SH3GL3: variants seen among roughly 807,000 people sequenced by gnomAD.
SH3GL3 encodes endophilin-A3.
In SH3GL3, 33 loss-of-function variants were observed where a neutral mutation model predicts 47.7. The ratio of observed to expected loss-of-function variants is 0.69; its 90% CI spans 0.52 to 0.92. The LOEUF (loss-of-function observed/expected upper bound fraction) is 0.92, where lower values mean the gene tolerates loss of function less well. Ranked by LOEUF, SH3GL3 falls within the 40% of genes least tolerant of loss-of-function variation. The probability of loss-of-function intolerance (pLI) is 0.00; values close to 1 mark genes in which losing one functional copy is unlikely to be tolerated. For missense variants in SH3GL3, 363 were observed against 417.8 expected (o/e 0.87, Z 1.14); for synonymous variants, 155 against 148.8 (o/e 1.04, Z -0.30).
chr15:83,534,397 TCTCTCTCCCTCTCTCC>T (rs574413235), intron 1 of SH3GL3, among the ~76,000 whole-genome samples: 2 of 152,182 alleles, frequency 1.3e-5, no homozygotes, highest in Non-Finnish European at 2.9e-5. Flanking sequence ...TGTCTTCCCC[TCTCTCTCCCTCTCTCC>T]CTCTCTCCCT....
At chr15:83,552,737 TAATC>T (rs911574443) in intron 1 of SH3GL3, among the ~76,000 whole-genome samples, 1 of 152,238 alleles carries the variant, frequency 6.6e-6, no homozygotes, top group Non-Finnish European at 1.5e-5. Flanking sequence ...GTCATTCAGA[TAATC>T]AATATCTTTT....
chr15:83,494,697 C>T (rs1461645939), intron 1 of SH3GL3, among the ~76,000 whole-genome samples: 2 of 151,948 alleles, frequency 1.3e-5, no homozygotes, highest in Non-Finnish European at 2.9e-5. Context: ...TGTGTGCCAC[C>T]GTGTCCAGCT....
rs34332284 is a variant in SH3GL3 at position 83,487,203 on chromosome 15, GTT to G, written c.45+39640_45+39641del. On this transcript the variant is annotated intron_variant, in intron 1 of 8. Coordinates refer to ENST00000427482, the MANE Select transcript of SH3GL3 (RefSeq NM_003027.5). ...TGAAGAATTTTTAACCGGTTTACCT[GTT>G]TTTTTTTTTTTTTTATCTTTCTTGT... Among the ~76,000 whole-genome samples the G allele has an allele frequency of 3.2e-3, 400 of 126,726 alleles. 1 individual carries two copies. Among genetic ancestry groups the G allele is most frequent in the Middle Eastern group, 0.028 (7 of 250 alleles). 83.1% of individuals were successfully genotyped at this position (126,726 alleles called of 152,430 possible). A position where few individuals can be genotyped will look rare whatever the true frequency, so the allele number is the denominator to read the frequency against.
the SH3GL3 span, among the ~76,000 whole-genome samples, chr15:83,631,518 G>A: frequency 8.3e-4 from 126 of 152,322 alleles, no homozygotes; most frequent in Admixed American, 1.2e-3. Context: ...TCTAGGTGGA[G>A]GCTCCCAAAC....
At chr15:83,561,425 C>T (rs2045265268) in intron 2 of SH3GL3, among the ~76,000 whole-genome samples, 1 of 152,048 alleles carries the variant, frequency 6.6e-6, no homozygotes, top group South Asian at 2.1e-4. Flanking sequence ...ATGTCAAAAC[C>T]TGTGATATGT....
intron 1 of SH3GL3, among the ~76,000 whole-genome samples, chr15:83,530,151 G>A (rs2043602839): frequency 6.6e-6 from 1 of 152,196 alleles, no homozygotes; most frequent in Non-Finnish European, 1.5e-5. Flanking sequence ...CCTGGTTGAG[G>A]TTAGGCACTC....
chr15:83,548,763 C>G (rs1423775869), intron 1 of SH3GL3, among the ~76,000 whole-genome samples: 2 of 152,048 alleles, frequency 1.3e-5, no homozygotes, highest in Admixed American at 1.3e-4. Flanking sequence ...GTATGTTTAT[C>G]TTCATATTTA....
chr15:83,470,374 G>A (rs568182865), intron 1 of SH3GL3, among the ~76,000 whole-genome samples: 41 of 152,174 alleles, frequency 2.7e-4, no homozygotes, highest in African/African-American at 8.9e-4. Context: ...ACAGGCATGC[G>A]CCACCACGTC....
intron 1 of SH3GL3, among the ~76,000 whole-genome samples, chr15:83,450,701 TTTTC>T (rs200247366): frequency 2.7e-4 from 32 of 117,818 alleles, no homozygotes; most frequent in Non-Finnish European, 6.2e-4. Flanking sequence ...GAACCCAAAT[TTTTC>T]TTTTTTTTTT....
At chr15:83,550,524 G>A (rs989144615) in intron 1 of SH3GL3, among the ~76,000 whole-genome samples, 22 of 152,026 alleles carry the variant, frequency 1.4e-4, no homozygotes, top group Non-Finnish European at 3.2e-4. Flanking sequence ...CGAGTAGCTG[G>A]GATTACAGGT....
At chr15:83,584,397 T>C (rs1290272677) in intron 6 of SH3GL3, among the ~76,000 whole-genome samples, 1 of 152,242 alleles carries the variant, frequency 6.6e-6, no homozygotes, top group Admixed American at 6.5e-5. Flanking sequence ...CCTTTTGCTA[T>C]GTAAAGTAAC....
At chr15:83,460,602 G>A (rs1269299892) in intron 1 of SH3GL3, among the ~76,000 whole-genome samples, 2 of 152,102 alleles carry the variant, frequency 1.3e-5, no homozygotes, top group Non-Finnish European at 2.9e-5. Context: ...ATGGTGCTTT[G>A]TGCTGTCTTT....
intron 8 of SH3GL3, among the ~76,000 whole-genome samples, chr15:83,607,341 A>G (rs191467102): frequency 3.3e-5 from 5 of 152,346 alleles, no homozygotes; most frequent in African/African-American, 7.2e-5. Flanking sequence ...ATGTTGCACC[A>G]TCCAGAGGAC....
In SH3GL3 at chr15:83,563,054, A is replaced by G. The variant is rs577801098; in HGVS notation, c.115-2080A>G. Among the ~76,000 whole-genome samples the G allele has an allele frequency of 2.6e-5, 4 of 152,350 alleles. No individual in the cohort carries two copies. The South Asian group carries it at 8.3e-4, about 32-fold the overall frequency. ...AGATTAATTTATTTAGCCCAAATTA[A>G]TGTATTTACCTAAGGGGAACAAATA... On this transcript the variant is annotated intron_variant, in intron 2 of 8. Transcript: ENST00000427482.
chr15:83,577,908 C>G (rs2151784988), intron 6 of SH3GL3, among the ~76,000 whole-genome samples: 2 of 152,368 alleles, frequency 1.3e-5, no homozygotes, highest in Middle Eastern at 6.8e-3. Flanking sequence ...GAACAGCTCT[C>G]TTATCTGGGG....
chr15:83,483,400 G>T lies in SH3GL3; in HGVS notation c.45+35822G>T, dbSNP rs538688843. 3.7e-3 allele frequency among the ~76,000 whole-genome samples: 560 copies of T among 152,308 alleles called. 5 individuals carry two copies. The highest frequency in any genetic ancestry group is 4.2e-3 in the Non-Finnish European group (284 of 68,010). ...AGCATTTGAAATGTGGCTAGTGCAA[G>T]TGAGATGGATTTCTAAACTTTTATT... On this transcript the variant is annotated intron_variant, in intron 1 of 8. Transcript: ENST00000427482.
At chr15:83,595,092 G>A (rs1253480903) in intron 8 of SH3GL3, among the ~76,000 whole-genome samples, 3 of 152,146 alleles carry the variant, frequency 2.0e-5, no homozygotes, top group South Asian at 2.1e-4. Context: ...CAAAGGCGTG[G>A]AATCAAACTA....
chr15:83,488,588 G>A (rs2041719418), intron 1 of SH3GL3, among the ~76,000 whole-genome samples: 1 of 152,180 alleles, frequency 6.6e-6, no homozygotes. Context: ...TTCATGCGGG[G>A]GAAAACTCTC....
At chr15:83,621,959 T>C (rs1035131962), downstream of SH3GL3, among the ~76,000 whole-genome samples, 5 of 150,532 alleles carry the variant, frequency 3.3e-5, no homozygotes, top group Non-Finnish European at 5.9e-5. Context: ...CACAACAATA[T>C]GTTTTCCCTC....
Sources: allele counts gnomAD v4.1 joint callset (sites outside exome capture counted in the v4.1 genomes callset), GRCh38; gene constraint gnomAD v4.1.1; transcripts MANE v1.5; gene names NCBI Gene and HGNC (gene_info 2026-07-23, HGNC 2026-07-21).